The following RAP1GDS1 variants were observed in gnomAD, a reference collection of about 807,000 sequenced individuals.
RAP1GDS1 encodes RAP1, GTP-GDP dissociation stimulator 1.
Under a neutral mutation model 71.1 loss-of-function variants are expected in RAP1GDS1, and 35 were observed. That is an observed-to-expected ratio of 0.49 (90% CI 0.38 to 0.65). The LOEUF is 0.65. RAP1GDS1 is among the 30% of genes least tolerant of loss of function. The probability of loss-of-function intolerance (pLI) is 0.00; values close to 1 mark genes in which losing one functional copy is unlikely to be tolerated. For missense variants in RAP1GDS1, 663 were observed against 706.1 expected (o/e 0.94, Z 0.69); for synonymous variants, 229 against 243.1 (o/e 0.94, Z 0.54).
intron 2 of RAP1GDS1, among the ~76,000 whole-genome samples, chr4:98,304,015 C>T (rs1728952738): frequency 6.6e-6 from 1 of 152,208 alleles, no homozygotes; most frequent in South Asian, 2.1e-4. Flanking sequence ...CATCCATGTC[C>T]CTACAAAGGA....
intron 1 of RAP1GDS1, among the ~76,000 whole-genome samples, chr4:98,286,147 C>T (rs1404788789): frequency 1.3e-5 from 2 of 151,518 alleles, no homozygotes; most frequent in Non-Finnish European, 2.9e-5. Flanking sequence ...CACCTGTGGC[C>T]CCATATATTC....
chr4:98,310,416 C>T (rs1730034686), intron 2 of RAP1GDS1, among the ~76,000 whole-genome samples: 1 of 152,046 alleles, frequency 6.6e-6, no homozygotes, highest in Non-Finnish European at 1.5e-5. Context: ...TACATATTTA[C>T]TGACCTTAAA....
At chr4:98,362,135 T>C (rs1738832842) in intron 4 of RAP1GDS1, among the ~76,000 whole-genome samples, 1 of 152,214 alleles carries the variant, frequency 6.6e-6, no homozygotes, top group African/African-American at 2.4e-5. Flanking sequence ...CATTAGAATT[T>C]AATTTTCTTT....
chr4:98,293,654 A>T (rs905586165), intron 2 of RAP1GDS1, 139 bp downstream of exon 2: 13 of 669,374 alleles, frequency 1.9e-5, no homozygotes, highest in Non-Finnish European at 3.1e-5. Context: ...GAATACTGAG[A>T]TTGTTTTACA....
At chr4:98,423,722 T>C (rs1749210733) in intron 12 of RAP1GDS1, among the ~76,000 whole-genome samples, 1 of 152,106 alleles carries the variant, frequency 6.6e-6, no homozygotes, top group Non-Finnish European at 1.5e-5. Flanking sequence ...TTTTGTATTT[T>C]TAGTAGAGAC....
intron 3 of RAP1GDS1, 94 bp from the exon 4 acceptor site, chr4:98,352,382 C>A: frequency 7.4e-7 from 1 of 1,351,046 alleles, no homozygotes; most frequent in Non-Finnish European, 1.0e-6. Flanking sequence ...TTAAATACCA[C>A]ATATTAAAAG....
intron 3 of RAP1GDS1, among the ~76,000 whole-genome samples, chr4:98,346,278 A>G (rs1002019743): frequency 1.3e-5 from 2 of 152,220 alleles, no homozygotes; most frequent in African/African-American, 4.8e-5. Flanking sequence ...TAACAACAAA[A>G]GAGTGAAAAT....
chr4:98,403,061 A>G lies in RAP1GDS1; in HGVS notation c.638-1416A>G, dbSNP rs537452718. Among the ~76,000 whole-genome samples the G allele has an allele frequency of 3.3e-5, 5 of 152,264 alleles. No homozygotes were observed. In the South Asian group the frequency reaches 8.3e-4, roughly 25 times the overall value. ...GACAATCAGTATTTTCAAAATGTCT[A>G]CCTCCTACATACACATTATACAGTA... On this transcript the variant is annotated intron_variant, in intron 6 of 14. Transcript: ENST00000408927.
In RAP1GDS1 at chr4:98,422,653, T is replaced by A. The variant is rs574867668; in HGVS notation, c.1440+1259T>A. 3.3e-5 allele frequency among the ~76,000 whole-genome samples: 5 copies of A among 152,342 alleles called. No individual in the cohort carries two copies. In the South Asian group the frequency reaches 1.0e-3, roughly 32 times the overall value. Reference sequence around the variant, plus strand: ...ATTTTTAGAACAGATAAGAAGAAGATGCCAAGAGAAAAAACGTAAAACTAA... The same window carrying A: ...ATTTTTAGAACAGATAAGAAGAAGAAGCCAAGAGAAAAAACGTAAAACTAA... On this transcript the variant is annotated intron_variant, in intron 12 of 14. Transcript: ENST00000408927.
Position 98,436,085 on chromosome 4 carries a change from T to A in RAP1GDS1, c.1568-855T>A, listed in dbSNP as rs557485815. On this transcript the variant is annotated intron_variant, in intron 13 of 14. Transcript: ENST00000408927. ...GACGCTGTCTCAAAAAAAAAATATA[T>A]ATATATATATATATCGGTATAAGGT... Among the ~76,000 whole-genome samples, 44 of 145,734 alleles carry A rather than the reference T, an allele frequency of 3.0e-4. 1 individual carries two copies. Among genetic ancestry groups the A allele is most frequent in the African/African-American group, 5.8e-4 (22 of 38,234 alleles).
chr4:98,336,085 G>GA (rs1734681378), intron 2 of RAP1GDS1, among the ~76,000 whole-genome samples: 1 of 152,042 alleles, frequency 6.6e-6, no homozygotes, highest in Admixed American at 6.5e-5. Context: ...ATAGAATGGA[G>GA]ATAGATCTTT....
intron 12 of RAP1GDS1, among the ~76,000 whole-genome samples, chr4:98,429,428 T>C (rs187355716): frequency 6.2e-4 from 95 of 152,146 alleles, no homozygotes; most frequent in South Asian, 1.5e-3. Flanking sequence ...TTCTTACTTA[T>C]AAGTAGGAGC....
At chr4:98,367,449 A>T (rs1739666729) in intron 4 of RAP1GDS1, among the ~76,000 whole-genome samples, 1 of 152,170 alleles carries the variant, frequency 6.6e-6, no homozygotes, top group African/African-American at 2.4e-5. Context: ...CAGAGTCCCT[A>T]CTGGGGCATC....
chr4:98,294,264 T>G (rs1222108970), intron 2 of RAP1GDS1, among the ~76,000 whole-genome samples: 1 of 152,042 alleles, frequency 6.6e-6, no homozygotes, highest in Non-Finnish European at 1.5e-5. Flanking sequence ...TGTCCTATCC[T>G]GAAACTAATT....
intron 5 of RAP1GDS1, chr4:98,387,454 T>G (rs1742940555): frequency 2.2e-6 from 1 of 455,984 alleles, no homozygotes; most frequent in Non-Finnish European, 4.4e-6. Context: ...TCTTTGGAGT[T>G]TCCATGAGTG....
intron 1 of RAP1GDS1, 81 bp from the exon 2 acceptor site, chr4:98,293,327 G>C (rs1245819972): frequency 1.1e-6 from 1 of 896,816 alleles, no homozygotes; most frequent in East Asian, 2.5e-5. Flanking sequence ...CTCCAGTTTA[G>C]TGGTAACTGT....
intron 6 of RAP1GDS1, among the ~76,000 whole-genome samples, chr4:98,403,928 G>A (rs754737442): frequency 1.3e-5 from 2 of 152,070 alleles, no homozygotes; most frequent in South Asian, 2.1e-4. Flanking sequence ...TGATAGAGGT[G>A]GACTAGGGGG....
intron 2 of RAP1GDS1, among the ~76,000 whole-genome samples, chr4:98,340,181 T>G (rs1214056994): frequency 6.6e-6 from 1 of 152,204 alleles, no homozygotes; most frequent in African/African-American, 2.4e-5. Context: ...TTATTGGTCA[T>G]GTACCCAAAG....
At chr4:98,422,422 T>A (rs1311249537) in intron 12 of RAP1GDS1, among the ~76,000 whole-genome samples, 4 of 151,988 alleles carry the variant, frequency 2.6e-5, no homozygotes, top group Non-Finnish European at 5.9e-5. Flanking sequence ...TTCACCATGT[T>A]GGCCAGGCTG....
Sources: gnomAD v4.1 joint callset for allele counts (sites outside exome capture counted in the v4.1 genomes callset) on GRCh38, gnomAD v4.1.1 for gene constraint, MANE v1.5 for transcripts, NCBI Gene and HGNC (gene_info 2026-07-23, HGNC 2026-07-21) for gene names.